WNK1: variants seen among roughly 807,000 people sequenced by gnomAD.
WNK1 encodes serine/threonine-protein kinase WNK1.
WNK1 carries 38 observed loss-of-function variants against 222.8 expected under a neutral mutation model. The ratio of observed to expected loss-of-function variants is 0.17; its 90% CI spans 0.13 to 0.22. The LOEUF is 0.22. Among genes scored for constraint, WNK1 ranks in the 10% least tolerant of loss-of-function variants. The probability of loss-of-function intolerance (pLI) is 1.00; values close to 1 mark genes in which losing one functional copy is unlikely to be tolerated. For synonymous variants in WNK1, 1,090 were observed against 1,092.9 expected, an observed-to-expected ratio of 1.00 and a Z score of 0.05; for missense variants, 2,348 against 2,918.4, an observed-to-expected ratio of 0.80 and a Z score of 4.50.
At chr12:792,932 T>C (rs972333020) in intron 1 of WNK1, among the ~76,000 whole-genome samples, 8 of 152,188 alleles carry the variant, frequency 5.3e-5, no homozygotes, top group Non-Finnish European at 1.2e-4. Context: ...TGGATATAAA[T>C]ACCTTTAAGC....
At chr12:816,579 T>C (rs1273036916) in intron 2 of WNK1, among the ~76,000 whole-genome samples, 1 of 152,122 alleles carries the variant, frequency 6.6e-6, no homozygotes, top group Non-Finnish European at 1.5e-5. Context: ...TGAGCCACGG[T>C]GCCCAGCCTG....
intron 1 of WNK1, among the ~76,000 whole-genome samples, chr12:784,108 C>G (rs530064845): frequency 1.3e-5 from 2 of 151,600 alleles, no homozygotes; most frequent in Non-Finnish European, 2.9e-5. Context: ...GTAGTCCCAG[C>G]TACCTGGGAG....
intron 4 of WNK1, among the ~76,000 whole-genome samples, chr12:835,431 T>C (rs1259948047): frequency 2.0e-5 from 3 of 152,198 alleles, no homozygotes; most frequent in Non-Finnish European, 2.9e-5. Flanking sequence ...GTTTGAAGAA[T>C]AGAATAGAAG....
At position 911,132 on chromosome 12, in the gene WNK1, A is replaced by G. The variant is rs1287573238; in HGVS notation, c.*2340A>G. 2.5e-6 allele frequency: 1 copy of G among 396,118 alleles called. No homozygotes were observed. The highest frequency in any genetic ancestry group is 4.4e-6 in the Non-Finnish European group (1 of 225,260). The allele number at this position is 396,118 out of a possible 1,614,324, so 24.5% of individuals were successfully genotyped here. Reference sequence around the variant, plus strand: ...TTGATTTCATCCTCCTGTGTATGAAATAACAAGCCTAGAGGAATGAACTAG... The same window carrying G: ...TTGATTTCATCCTCCTGTGTATGAAGTAACAAGCCTAGAGGAATGAACTAG... On this transcript the variant is annotated 3_prime_UTR_variant, in exon 28 of 28. Transcript: ENST00000315939.
intron 1 of WNK1, among the ~76,000 whole-genome samples, chr12:798,266 A>G (rs371383294): frequency 6.6e-6 from 1 of 150,638 alleles, no homozygotes; most frequent in Non-Finnish European, 1.5e-5. Flanking sequence ...ATCTCGGCTC[A>G]CTGCAACCTC....
intron 2 of WNK1, 131 bp from the exon 3 acceptor site, chr12:826,911 T>G (rs1392419253): frequency 1.4e-6 from 1 of 702,240 alleles, no homozygotes; most frequent in Non-Finnish European, 2.4e-6. Flanking sequence ...TTATTAACCT[T>G]TAGTGTTACT....
chr12:772,404 G>GGGGT (rs1555080610), intron 1 of WNK1, among the ~76,000 whole-genome samples: 2 of 117,466 alleles, frequency 1.7e-5, no homozygotes, highest in African/African-American at 6.0e-5. Flanking sequence ...TCATAATTGG[G>GGGGT]GTGTGTGTGT....
chr12:902,840 G>A (rs1010867657), intron 26 of WNK1, among the ~76,000 whole-genome samples: 2 of 152,188 alleles, frequency 1.3e-5, no homozygotes, highest in East Asian at 1.9e-4. Context: ...ATAACTGTTC[G>A]TGGAAGAACA....
In WNK1 at chr12:879,855, C is replaced by G. The variant is rs569121553; in HGVS notation, c.2656C>G (p.Pro886Ala). 8.7e-6 allele frequency: 14 copies of G among 1,614,096 alleles called. No individual in the cohort carries two copies. The African/African-American group carries it at 1.9e-4, about 22-fold the overall frequency. The change falls in exon 11 of 28, where the codon CCG becomes GCG. Residue 886 changes from proline to alanine, a missense_variant. Transcript: ENST00000315939. The part of the protein sequence containing the change: ...LASSATTAAI[P>A]GVSTVVPSQL... ...TTCATCTGCTACAACAGCTGCGATC[C>G]CGGGGGTATCAACTGTGGTTCCTAG...
chr12:874,588 T>G (rs1189882444), intron 9 of WNK1, among the ~76,000 whole-genome samples: 1 of 152,232 alleles, frequency 6.6e-6, no homozygotes, highest in African/African-American at 2.4e-5. Flanking sequence ...GGACCAGGTA[T>G]GACTACTTTG....
intron 1 of WNK1, chr12:781,015 A>G (rs1347201106): frequency 3.3e-5 from 5 of 152,524 alleles, no homozygotes; most frequent in African/African-American, 1.2e-4. Flanking sequence ...TTACATTGTG[A>G]CTTAGTATAT....
chr12:867,732 A>G (rs1389206610), intron 8 of WNK1: 1 of 995,320 alleles, frequency 1.0e-6, no homozygotes, highest in African/African-American at 1.6e-5. Flanking sequence ...TTCCAGAAGC[A>G]TTGTTATTTA....
chr12:757,516 A>G lies in WNK1; in HGVS notation c.759+3192A>G, dbSNP rs192192373. 2.8e-3 allele frequency among the ~76,000 whole-genome samples: 427 copies of G among 152,064 alleles called. 2 individuals are homozygous for G. The highest frequency in any genetic ancestry group is 5.0e-3 in the South Asian group (24 of 4,810). ...AATTACAAGCATCAATTCTTAGTAA[A>G]TAATGCCTAGGTAATATTTTGATAC... On this transcript the variant is annotated intron_variant, in intron 1 of 27. Transcript: ENST00000315939.
intron 9 of WNK1, 113 bp from the exon 10 acceptor site, chr12:878,099 T>C (rs1952790423): frequency 1.5e-6 from 2 of 1,375,002 alleles, no homozygotes; most frequent in Non-Finnish European, 2.1e-6. Flanking sequence ...CATGTCTTGA[T>C]TACTAAAATC....
intron 2 of WNK1, among the ~76,000 whole-genome samples, chr12:821,459 C>T (rs11519566): frequency 0.048 from 7,260 of 152,244 alleles, 236 homozygotes; most frequent in Middle Eastern, 0.088. Context: ...CTAGACTTTT[C>T]TTTGGAGATT....
At chr12:848,578 C>T (rs1314104304) in intron 4 of WNK1, among the ~76,000 whole-genome samples, 1 of 135,500 alleles carries the variant, frequency 7.4e-6, no homozygotes, top group Non-Finnish European at 1.5e-5. Context: ...AAACCATTTC[C>T]CAGTTGTTTT....
chr12:908,861 G>GGGGGGGGGGCCC lies in WNK1; in HGVS notation c.*69_*70insGGGGGGGGGCCC. The GGGGGGGGGGCCC allele has an allele frequency of 3.0e-5, 15 of 491,836 alleles. No homozygotes were observed. The highest frequency in any genetic ancestry group is 1.0e-4 in the African/African-American group (5 of 49,010). The allele number at this position is 491,836 out of a possible 1,614,324, so 30.5% of individuals were successfully genotyped here. A position where few individuals can be genotyped will look rare whatever the true frequency, so the allele number is the denominator to read the frequency against. ...ATGCTGAGGGGGTGGGTGGGGGTGG[G>GGGGGGGGGGCCC]AAGTAGCCTATATACTAACTACTAG... is the stretch of plus-strand genomic sequence containing the variant. On this transcript the variant is annotated 3_prime_UTR_variant, in exon 28 of 28. Coordinates refer to ENST00000315939, the MANE Select transcript of WNK1 (RefSeq NM_018979.4).
chr12:809,347 C>T (rs1344478361), intron 1 of WNK1, among the ~76,000 whole-genome samples: 1 of 150,816 alleles, frequency 6.6e-6, no homozygotes, highest in Admixed American at 6.6e-5. Flanking sequence ...ACCTGCCCCT[C>T]CCCCCCATAA....
At chr12:825,466 AG>A (rs745416924) in intron 2 of WNK1, among the ~76,000 whole-genome samples, 1 of 152,168 alleles carries the variant, frequency 6.6e-6, no homozygotes, top group Non-Finnish European at 1.5e-5. Flanking sequence ...TGCACAAATA[AG>A]GTTTTCATAT....
Sources: gnomAD v4.1 joint callset for allele counts (sites outside exome capture counted in the v4.1 genomes callset) on GRCh38, gnomAD v4.1.1 for gene constraint, MANE v1.5 for transcripts, NCBI Gene and HGNC (gene_info 2026-07-23, HGNC 2026-07-21) for gene names.